The following ROBO1 variants were observed in gnomAD, a reference collection of about 807,000 sequenced individuals.
ROBO1 encodes roundabout guidance receptor 1.
Under a neutral mutation model 195.9 loss-of-function variants are expected in ROBO1, and 149 were observed. The ratio of observed to expected loss-of-function variants is 0.76; its 90% CI spans 0.67 to 0.87. ROBO1 has a LOEUF of 0.87. Among genes scored for constraint, ROBO1 ranks in the 40% least tolerant of loss-of-function variants. The pLI, the probability that ROBO1 is intolerant of heterozygous loss-of-function variation, is 0.00. For synonymous variants in ROBO1, 816 were observed against 733.2 expected (o/e 1.11, Z -1.82); for missense variants, 1,933 against 2,068.3 (o/e 0.93, Z 1.27).
chr3:79,693,503 C>G (rs968871610), intron 1 of ROBO1, among the ~76,000 whole-genome samples: 1 of 151,558 alleles, frequency 6.6e-6, no homozygotes, highest in Non-Finnish European at 1.5e-5. Flanking sequence ...GTGGCACGAT[C>G]ATAGCTCACT....
At chr3:79,453,705 T>G (rs139047764) in intron 2 of ROBO1, among the ~76,000 whole-genome samples, 1,616 of 152,150 alleles carry the variant, frequency 0.011, 12 homozygotes, top group Non-Finnish European at 0.018. Context: ...AGATGTTGTT[T>G]GACTAGAATA....
chr3:78,701,358 A>G (rs935275282), intron 8 of ROBO1, among the ~76,000 whole-genome samples: 2 of 152,228 alleles, frequency 1.3e-5, no homozygotes, highest in African/African-American at 4.8e-5. Flanking sequence ...TTATAGAAAC[A>G]ATGATAAAGC....
At chr3:79,530,149 T>C (rs1941589867) in intron 2 of ROBO1, among the ~76,000 whole-genome samples, 1 of 152,082 alleles carries the variant, frequency 6.6e-6, no homozygotes, top group Non-Finnish European at 1.5e-5. Flanking sequence ...AAAAATAATA[T>C]AGTAATCTTC....
intron 2 of ROBO1, among the ~76,000 whole-genome samples, chr3:79,514,446 T>C (rs764515506): frequency 1.3e-5 from 2 of 152,104 alleles, no homozygotes. Context: ...CTGTTGAAAA[T>C]TTCTTTTGGT....
At chr3:78,795,516 A>G (rs1387789033) in intron 4 of ROBO1, among the ~76,000 whole-genome samples, 3 of 152,264 alleles carry the variant, frequency 2.0e-5, no homozygotes, top group Non-Finnish European at 4.4e-5. Flanking sequence ...ACAGCATCCT[A>G]TGGGAAGACA....
chr3:79,607,116 C>CAT, intron 1 of ROBO1, among the ~76,000 whole-genome samples: 1 of 151,204 alleles, frequency 6.6e-6, no homozygotes, highest in Non-Finnish European at 1.5e-5. Flanking sequence ...CACACACACA[C>CAT]ACACACACAC....
At chr3:78,779,129 G>A (rs373702992) in intron 4 of ROBO1, among the ~76,000 whole-genome samples, 1 of 152,060 alleles carries the variant, frequency 6.6e-6, no homozygotes, top group Non-Finnish European at 1.5e-5. Context: ...AGACTTAAAT[G>A]TAAAACCTAA....
chr3:79,761,158 A>C lies in ROBO1; in HGVS notation c.-51+6594T>G, dbSNP rs1704678053. 2.7e-5 allele frequency among the ~76,000 whole-genome samples: 4 copies of C among 148,248 alleles called. No homozygotes were observed. In the South Asian group the frequency reaches 8.4e-4, roughly 31 times the overall value. Reference sequence around the variant, plus strand: ...ATATATAATAATAATATATTTAAAAATATAATATATGTATATACTTATAGT... The same window carrying C: ...ATATATAATAATAATATATTTAAAACTATAATATATGTATATACTTATAGT... On this transcript the variant is annotated intron_variant, in intron 1 of 30. Coordinates refer to ENST00000464233, the MANE Select transcript of ROBO1 (RefSeq NM_002941.4).
chr3:79,283,700 CTT>C (rs762896053), intron 2 of ROBO1, among the ~76,000 whole-genome samples: 17 of 141,274 alleles, frequency 1.2e-4, no homozygotes, highest in Admixed American at 1.4e-4. Flanking sequence ...TCCATGAATT[CTT>C]TTTTTTTTTT....
At chr3:78,877,093 G>A (rs926608493) in intron 4 of ROBO1, among the ~76,000 whole-genome samples, 3 of 151,888 alleles carry the variant, frequency 2.0e-5, no homozygotes, top group East Asian at 3.9e-4. Flanking sequence ...AGTAGCCAGT[G>A]AATACAATTT....
chr3:79,617,618 A>C (rs917776664), intron 1 of ROBO1, among the ~76,000 whole-genome samples: 1 of 152,158 alleles, frequency 6.6e-6, no homozygotes, highest in Non-Finnish European at 1.5e-5. Flanking sequence ...CCTCCAGATG[A>C]GAAGGAATCA....
At chr3:79,009,392 A>T (rs2077720230) in intron 3 of ROBO1, among the ~76,000 whole-genome samples, 2 of 152,158 alleles carry the variant, frequency 1.3e-5, no homozygotes, top group Non-Finnish European at 2.9e-5. Context: ...TTTAAGCCTT[A>T]TGCAAACTCC....
At chr3:79,723,215 C>T (rs917905489) in intron 1 of ROBO1, among the ~76,000 whole-genome samples, 1 of 152,148 alleles carries the variant, frequency 6.6e-6, no homozygotes, top group African/African-American at 2.4e-5. Flanking sequence ...AATGCCCTTA[C>T]TTATGACCTG....
intron 14 of ROBO1, 125 bp from the exon 15 acceptor site, chr3:78,662,239 A>T: frequency 4.8e-5 from 30 of 624,432 alleles, no homozygotes; most frequent in Non-Finnish European, 6.6e-5. Context: ...CCAGGCTGTG[A>T]TTCGGAAAAA....
intron 4 of ROBO1, among the ~76,000 whole-genome samples, chr3:78,885,909 TTATATA>T (rs10651992): frequency 0.028 from 3,249 of 117,748 alleles, 84 homozygotes; most frequent in African/African-American, 0.058. Flanking sequence ...TAGCAAAATT[TTATATA>T]TATATATATA....
intron 2 of ROBO1, among the ~76,000 whole-genome samples, chr3:79,276,126 A>G (rs1051573399): frequency 2.6e-5 from 4 of 152,050 alleles, no homozygotes; most frequent in African/African-American, 7.2e-5. Context: ...AAATAATCCT[A>G]AAATTTATAT....
chr3:78,625,728 A>G (rs1165824822), intron 26 of ROBO1, among the ~76,000 whole-genome samples: 1 of 152,246 alleles, frequency 6.6e-6, no homozygotes, highest in Non-Finnish European at 1.5e-5. Flanking sequence ...AAGCATAAGT[A>G]TGATACAAAC....
At chr3:79,161,123 A>G (rs2080955332) in intron 2 of ROBO1, among the ~76,000 whole-genome samples, 1 of 152,040 alleles carries the variant, frequency 6.6e-6, no homozygotes, top group African/African-American at 2.4e-5. Flanking sequence ...GGAGCCTGCT[A>G]CAAAACAATA....
intron 2 of ROBO1, among the ~76,000 whole-genome samples, chr3:79,212,938 C>T (rs569543895): frequency 1.6e-4 from 24 of 152,154 alleles, no homozygotes; most frequent in East Asian, 5.8e-4. Flanking sequence ...GCAGTCTGAA[C>T]GCCAATTTAA....
Sources: gnomAD v4.1 joint callset for allele counts (sites outside exome capture counted in the v4.1 genomes callset) on GRCh38, gnomAD v4.1.1 for gene constraint, MANE v1.5 for transcripts, NCBI Gene and HGNC (gene_info 2026-07-23, HGNC 2026-07-21) for gene names.